DOCK3: variants seen among roughly 807,000 people sequenced by gnomAD.
DOCK3 encodes the protein dedicator of cytokinesis 3.
DOCK3 carries 60 observed loss-of-function variants against 265.6 expected under a neutral mutation model. The ratio of observed to expected loss-of-function variants is 0.23; its 90% CI spans 0.18 to 0.28. The LOEUF (loss-of-function observed/expected upper bound fraction) is 0.28, where lower values mean the gene tolerates loss of function less well. DOCK3 is among the 10% of genes least tolerant of loss of function. The pLI is 1.00. For missense variants in DOCK3, 1,981 were observed against 2,594.3 expected, an observed-to-expected ratio of 0.76 and a Z score of 5.14; for synonymous variants, 881 against 938.0, an observed-to-expected ratio of 0.94 and a Z score of 1.11.
intron 5 of DOCK3, among the ~76,000 whole-genome samples, chr3:51,054,089 T>C (rs538378983): frequency 1.7e-3 from 224 of 131,792 alleles, no homozygotes; most frequent in Admixed American, 3.7e-3. Context: ...GTAAACTTCC[T>C]CATTTGGTGA....
chr3:50,751,720 T>C (rs2608989), intron 1 of DOCK3, among the ~76,000 whole-genome samples: 14,357 of 152,164 alleles, frequency 0.094, 840 homozygotes, highest in Non-Finnish European at 0.12. Flanking sequence ...AGATACTACC[T>C]GAGACCAGGT....
intron 1 of DOCK3, among the ~76,000 whole-genome samples, chr3:50,714,730 C>T (rs1412623689): frequency 6.6e-6 from 1 of 152,196 alleles, no homozygotes; most frequent in Non-Finnish European, 1.5e-5. Context: ...AGCCACTGCA[C>T]CCAGCTTCTA....
intron 1 of DOCK3, among the ~76,000 whole-genome samples, chr3:50,692,816 T>C (rs2035341055): frequency 6.6e-6 from 1 of 152,220 alleles, no homozygotes; most frequent in Non-Finnish European, 1.5e-5. Flanking sequence ...ACAAATCCAG[T>C]GTCATGAACC....
chr3:51,215,665 T>C (rs1344547257), intron 14 of DOCK3, among the ~76,000 whole-genome samples: 1 of 152,218 alleles, frequency 6.6e-6, no homozygotes, highest in Non-Finnish European at 1.5e-5. Flanking sequence ...CTTCCAACTT[T>C]CCAGGCTATG....
intron 1 of DOCK3, among the ~76,000 whole-genome samples, chr3:50,719,268 C>CTTTTTTTTTTTTTTTTTTTTTTTT (rs71084106): frequency 1.4e-5 from 2 of 138,672 alleles, no homozygotes; most frequent in Admixed American, 7.2e-5. Flanking sequence ...TAGATATTTT[C>CTTTTTTTTTTTTTTTTTTTTTTTT]TTTTTTTTTT....
chr3:50,748,668 T>G (rs980991186), intron 1 of DOCK3, among the ~76,000 whole-genome samples: 3 of 152,212 alleles, frequency 2.0e-5, no homozygotes, highest in African/African-American at 7.2e-5. Flanking sequence ...GGCTTAGATG[T>G]AACATTTCCT....
At chr3:51,364,698 A>G (rs1052660281) in intron 49 of DOCK3, among the ~76,000 whole-genome samples, 1 of 152,216 alleles carries the variant, frequency 6.6e-6, no homozygotes, top group Non-Finnish European at 1.5e-5. Flanking sequence ...AGCTTTCTAC[A>G]TATGGCTAGC....
At chr3:51,200,929 T>G (rs1216931625) in intron 12 of DOCK3, among the ~76,000 whole-genome samples, 3 of 152,020 alleles carry the variant, frequency 2.0e-5, no homozygotes, top group Non-Finnish European at 2.9e-5. Context: ...AAACTAAGCT[T>G]CATAAGTGAA....
intron 5 of DOCK3, among the ~76,000 whole-genome samples, chr3:50,948,520 C>T (rs2076502042): frequency 6.7e-6 from 1 of 148,798 alleles, no homozygotes; most frequent in Non-Finnish European, 1.5e-5. Flanking sequence ...CCTCCCATTT[C>T]AGCCTCTTGA....
chr3:50,692,249 G>C (rs1250309788), intron 1 of DOCK3, among the ~76,000 whole-genome samples: 1 of 152,036 alleles, frequency 6.6e-6, no homozygotes, highest in Non-Finnish European at 1.5e-5. Context: ...TTTTGTTGTT[G>C]AAGTGTAGGA....
At chr3:51,378,229 G>A (rs917440127) in intron 51 of DOCK3, among the ~76,000 whole-genome samples, 2 of 152,166 alleles carry the variant, frequency 1.3e-5, no homozygotes, top group Non-Finnish European at 2.9e-5. Context: ...ACCAGGAGAC[G>A]GGGCAATTCT....
At chr3:51,379,491 C>T in intron 51 of DOCK3, 1 of 985,456 alleles carries the variant, frequency 1.0e-6, no homozygotes, top group African/African-American at 1.7e-5. Flanking sequence ...GATAGCGGAG[C>T]CCAAGAGGCC....
At chr3:51,055,622 C>T (rs1258516445) in intron 5 of DOCK3, among the ~76,000 whole-genome samples, 1 of 152,126 alleles carries the variant, frequency 6.6e-6, no homozygotes, top group African/African-American at 2.4e-5. Context: ...CCTGAGAACG[C>T]CTCAGCTGTT....
intron 1 of DOCK3, among the ~76,000 whole-genome samples, chr3:50,751,537 T>G (rs967467152): frequency 1.5e-4 from 23 of 152,230 alleles, no homozygotes; most frequent in African/African-American, 5.1e-4. Flanking sequence ...GCATAGGTAT[T>G]ACAGCTTATG....
intron 23 of DOCK3, among the ~76,000 whole-genome samples, chr3:51,269,010 A>G (rs949389266): frequency 6.6e-6 from 1 of 151,858 alleles, no homozygotes; most frequent in African/African-American, 2.4e-5. Flanking sequence ...CAAGATAAAT[A>G]GCTTAGATCT....
At chr3:51,298,173 T>G (rs1378869033) in intron 27 of DOCK3, among the ~76,000 whole-genome samples, 8 of 152,236 alleles carry the variant, frequency 5.3e-5, no homozygotes, top group Admixed American at 5.2e-4. Context: ...GAATGAACTT[T>G]GGTAGCTTGT....
intron 21 of DOCK3, 50 bp downstream of exon 21, chr3:51,237,640 T>C (rs149728393): frequency 2.4e-4 from 367 of 1,523,234 alleles, no homozygotes; most frequent in Non-Finnish European, 3.0e-4. Flanking sequence ...AGTAGAAATA[T>C]AGGCTTTAAA....
Position 51,084,163 on chromosome 3 carries a change from A to C in DOCK3, c.550-5080A>C, listed in dbSNP as rs546968882. 4.6e-5 allele frequency among the ~76,000 whole-genome samples: 7 copies of C among 152,246 alleles called. No individual in the cohort carries two copies. In the South Asian group the frequency reaches 1.5e-3, roughly 32 times the overall value. On this transcript the variant is annotated intron_variant, in intron 7 of 52. Coordinates refer to ENST00000266037, the MANE Select transcript of DOCK3 (RefSeq NM_004947.5). ...GAAGGCATGGGCAAAGATATAGAAA[A>C]CCTGCTAATGAGATAATAGCTGAAA...
intron 2 of DOCK3, among the ~76,000 whole-genome samples, chr3:50,794,646 G>A (rs946123539): frequency 2.6e-5 from 4 of 152,168 alleles, no homozygotes; most frequent in Admixed American, 6.5e-5. Flanking sequence ...TGGATCTCTC[G>A]AAGACAGCAT....
Sources: gnomAD v4.1 joint callset for allele counts (sites outside exome capture counted in the v4.1 genomes callset) on GRCh38, gnomAD v4.1.1 for gene constraint, MANE v1.5 for transcripts, NCBI Gene and HGNC (gene_info 2026-07-23, HGNC 2026-07-21) for gene names.